Variants in DOC2B observed in about 807,000 individuals in gnomAD.
DOC2B encodes the protein double C2 domain beta.
Under a neutral mutation model 28.9 loss-of-function variants are expected in DOC2B, and 21 were observed. The observed-to-expected ratio is 0.73, with a 90% CI of 0.52 to 1.05. The LOEUF (loss-of-function observed/expected upper bound fraction) is 1.05, where lower values mean the gene tolerates loss of function less well. Ranked by LOEUF, DOC2B falls within the 50% of genes least tolerant of loss-of-function variation. The pLI is 0.00. For synonymous variants in DOC2B, 194 were observed against 178.1 expected, an observed-to-expected ratio of 1.09 and a Z score of -0.71; for missense variants, 384 against 421.1, an observed-to-expected ratio of 0.91 and a Z score of 0.77.
chr17:156,872 C>T (rs1318539782), intron 5 of DOC2B, among the ~76,000 whole-genome samples: 1 of 152,184 alleles, frequency 6.6e-6, no homozygotes, highest in African/African-American at 2.4e-5. Flanking sequence ...AGCCACCGTG[C>T]CCAGCTGGTT....
intron 1 of DOC2B, among the ~76,000 whole-genome samples, chr17:180,490 A>G (rs1424291615): frequency 6.6e-6 from 1 of 151,958 alleles, no homozygotes; most frequent in Non-Finnish European, 1.5e-5. Context: ...GGGTCCATGG[A>G]CACCGGAGGA....
rs1236388161 is a variant in DOC2B at position 181,322 on chromosome 17, G to A, written c.158C>T (p.Ala53Val). ...GCGCGCGGGGGCGTCCGGGGGTGCA[G>A]CGGCTCGGGGCCCGGCGTCCGGGGG... Reference protein sequence around the residue: ...GLPPDAGPRAAAPPDAPARPA... With the variant: ...GLPPDAGPRAVAPPDAPARPA... The change falls in exon 1 of 9, where the codon GCT (alanine) becomes GTT (valine). Residue 53 changes from alanine to valine, a missense_variant. By Grantham distance (64) the Ala-to-Val change is moderately conservative. Coordinates refer to ENST00000613549, the MANE Select transcript of DOC2B (RefSeq NM_003585.5). The surrounding 1 kb of genome is among the most constrained non-coding windows in gnomAD (Gnocchi z 7.0). 3 of 1,154,398 alleles carry A rather than the reference G, an allele frequency of 2.6e-6. No individual in the cohort carries two copies. Among genetic ancestry groups the A allele is most frequent in the East Asian group, 4.1e-5 (1 of 24,130 alleles). The allele number at this position is 1,154,398 out of a possible 1,614,324, so 71.5% of individuals were successfully genotyped here.
intron 2 of DOC2B, among the ~76,000 whole-genome samples, chr17:169,474 C>T (rs544679715): frequency 6.6e-5 from 10 of 151,664 alleles, no homozygotes; most frequent in East Asian, 5.9e-4. Flanking sequence ...CTGAACTGTA[C>T]GCTAAAAATG....
In DOC2B at chr17:144,628, CAAACTTCCTGG is replaced by C. The variant is rs1167339500; in HGVS notation, c.*2802_*2812del. 8.5e-5 allele frequency: 13 copies of C among 152,234 alleles called. No individual in the cohort carries two copies. Among genetic ancestry groups the C allele is most frequent in the Admixed American group, 8.5e-4 (13 of 15,286 alleles). 9.4% of individuals were successfully genotyped at this position (152,234 alleles called of 1,614,324 possible). On this transcript the variant is annotated 3_prime_UTR_variant, in exon 9 of 9. Transcript: ENST00000613549. ...CTGAGATCCTAGGGAAGGAAGGATC[CAAACTTCCTGG>C]GGAGTTCCTGCCCGAGTGCCTGTGC...
intron 5 of DOC2B, among the ~76,000 whole-genome samples, chr17:161,118 C>A (rs1555523172): frequency 6.6e-6 from 1 of 152,152 alleles, no homozygotes; most frequent in Admixed American, 6.5e-5. Flanking sequence ...CTCCCCATCT[C>A]CCCAGGCCTC....
intron 5 of DOC2B, among the ~76,000 whole-genome samples, chr17:160,494 C>A (rs2040188581): frequency 6.6e-6 from 1 of 152,188 alleles, no homozygotes; most frequent in African/African-American, 2.4e-5. Flanking sequence ...CGTCCCCGGG[C>A]CCCACTGGGG....
chr17:159,892 CG>C (rs1839295665), intron 5 of DOC2B, among the ~76,000 whole-genome samples: 1 of 148,758 alleles, frequency 6.7e-6, no homozygotes, highest in African/African-American at 2.4e-5. Flanking sequence ...CACACACACA[CG>C]CTGACACCCC....
At chr17:178,902 G>A (rs2040399853) in intron 1 of DOC2B, among the ~76,000 whole-genome samples, 2 of 152,218 alleles carry the variant, frequency 1.3e-5, no homozygotes, top group Admixed American at 1.3e-4. Flanking sequence ...GGTTGTCACA[G>A]CCCAGAGGGG....
intron 5 of DOC2B, among the ~76,000 whole-genome samples, chr17:160,670 G>T (rs1348427904): frequency 6.6e-6 from 1 of 152,168 alleles, no homozygotes; most frequent in African/African-American, 2.4e-5. Flanking sequence ...TGGCACGGGG[G>T]ACTCCTGGCT....
chr17:146,768 G>C lies in DOC2B; in HGVS notation c.*673C>G, dbSNP rs1276407215. On this transcript the variant is annotated 3_prime_UTR_variant, in exon 9 of 9. Transcript: ENST00000613549. ...TTGCAGACTGGCCAAGCTGGTCTTG[G>C]TATTTCTCACCCCAGTTGGAATGGT... 1 of 152,252 alleles carries C rather than the reference G, an allele frequency of 6.6e-6. No homozygotes were observed. The highest frequency in any genetic ancestry group is 1.5e-5 in the Non-Finnish European group (1 of 68,084). The allele number at this position is 152,252 out of a possible 1,614,324, so 9.4% of individuals were successfully genotyped here.
In DOC2B at chr17:156,318, C is replaced by G; in HGVS notation, c.825G>C (p.Lys275Asn). The G allele has an allele frequency of 6.4e-7, 1 of 1,551,694 alleles. No homozygotes were observed. The highest frequency in any genetic ancestry group is 8.7e-7 in the Non-Finnish European group (1 of 1,146,996). The change falls in exon 6 of 9, where the codon AAG (lysine) becomes AAC (asparagine). Residue 275 changes from lysine to asparagine, a missense_variant. Coordinates refer to ENST00000613549, the MANE Select transcript of DOC2B (RefSeq NM_003585.5). ...GCAGGCCTTGCTTCTGTGAGCTGTA[C>G]TTGAGGGAGATGAGGATGCGGCCCC... ...EERGRILISL[K>N]YSSQKQGLLV...
In DOC2B at chr17:169,374, G is replaced by A. The variant is rs150391530; in HGVS notation, c.453+3163C>T. Among the ~76,000 whole-genome samples the A allele has an allele frequency of 1.4e-3, 206 of 151,734 alleles. 1 individual carries two copies. Among genetic ancestry groups the A allele is most frequent in the Non-Finnish European group, 2.4e-3 (165 of 67,956 alleles). ...AGGGGAGGAGGAAGGGGGAGCTGTT[G>A]TTTAATGGGTCCAGTTTAGTTTTGC... On this transcript the variant is annotated intron_variant, in intron 2 of 8. Coordinates refer to ENST00000613549, the MANE Select transcript of DOC2B (RefSeq NM_003585.5).
chr17:159,822 A>G (rs1376261401), intron 5 of DOC2B, among the ~76,000 whole-genome samples: 1 of 151,746 alleles, frequency 6.6e-6, no homozygotes, highest in Non-Finnish European at 1.5e-5. Context: ...GGACACACAC[A>G]CTGTCGCACA....
At chr17:174,216 A>G (rs1236454282) in intron 1 of DOC2B, among the ~76,000 whole-genome samples, 1 of 152,178 alleles carries the variant, frequency 6.6e-6, no homozygotes, top group African/African-American at 2.4e-5. Flanking sequence ...TGTGGGGTGC[A>G]AGACCTGCCC....
intron 8 of DOC2B, among the ~76,000 whole-genome samples, chr17:147,822 A>G (rs2040032220): frequency 1.3e-5 from 2 of 152,154 alleles, no homozygotes; most frequent in Non-Finnish European, 2.9e-5. Context: ...GGGTCAAGGA[A>G]TGGGGGCCTG....
intron 3 of DOC2B, among the ~76,000 whole-genome samples, chr17:162,489 G>C (rs139074451): frequency 2.0e-5 from 3 of 152,174 alleles, no homozygotes; most frequent in Non-Finnish European, 4.4e-5. Context: ...AATGGGGCCC[G>C]CTGTGAAGGT....
At chr17:152,879 C>T (rs1221185575) in intron 6 of DOC2B, among the ~76,000 whole-genome samples, 5 of 152,236 alleles carry the variant, frequency 3.3e-5, no homozygotes, top group Non-Finnish European at 5.9e-5. Context: ...TACGTCCCTC[C>T]CTTTCTTCTG....
chr17:148,063 G>C (rs2040034914), intron 8 of DOC2B, 110 bp downstream of exon 8: 1 of 397,184 alleles, frequency 2.5e-6, no homozygotes, highest in Non-Finnish European at 4.4e-6. Context: ...CCCTGACCTA[G>C]GGGCAGGTGG....
At position 173,172 on chromosome 17, in the gene DOC2B, GC is replaced by G. The variant is rs763447733; in HGVS notation, c.374-557del. On this transcript the variant is annotated intron_variant, in intron 1 of 8. Coordinates refer to ENST00000613549, the MANE Select transcript of DOC2B (RefSeq NM_003585.5). ...GAGCCAGCTGGGTCCTCATACTGCT[GC>G]CCCCAAGTCTCTCAATGGCAGTGGT... Among the ~76,000 whole-genome samples, 9 of 152,322 alleles carry G rather than the reference GC, an allele frequency of 5.9e-5. No individual in the cohort carries two copies. In the South Asian group the frequency reaches 1.0e-3, roughly 18 times the overall value.
Sources: allele counts gnomAD v4.1 joint callset (sites outside exome capture counted in the v4.1 genomes callset), GRCh38; gene constraint gnomAD v4.1.1; non-coding constraint Gnocchi (gnomAD v3.1); transcripts MANE v1.5; gene names NCBI Gene and HGNC (gene_info 2026-07-23, HGNC 2026-07-21).